The following GNE variants were observed in gnomAD, a reference collection of about 807,000 sequenced individuals.
GNE encodes the protein bifunctional UDP-N-acetylglucosamine 2-epimerase/N-acetylmannosamine kinase.
A neutral mutation model predicts 61.8 loss-of-function variants in GNE; 41 were observed. That is an observed-to-expected ratio of 0.66 (90% confidence interval 0.52 to 0.86). GNE has a LOEUF of 0.86. GNE is among the 40% of genes least tolerant of loss of function. The pLI is 0.00. For synonymous variants in GNE, 264 were observed against 326.4 expected, an observed-to-expected ratio of 0.81 and a Z score of 2.06; for missense variants, 608 against 909.1, an observed-to-expected ratio of 0.67 and a Z score of 4.26.
intron 3 of GNE, among the ~76,000 whole-genome samples, chr9:36,241,119 C>CTT (rs36007906): frequency 9.1e-5 from 13 of 143,512 alleles, no homozygotes; most frequent in Middle Eastern, 3.6e-3. Context: ...GTTTCATTTA[C>CTT]TTTTTTTTTT....
chr9:36,231,629 C>G (rs1471413061), intron 5 of GNE, among the ~76,000 whole-genome samples: 1 of 152,148 alleles, frequency 6.6e-6, no homozygotes, highest in Non-Finnish European at 1.5e-5. Flanking sequence ...CAGAGACTTG[C>G]AAGCAATAGC....
intron 1 of GNE, among the ~76,000 whole-genome samples, chr9:36,256,078 C>T (rs570368041): frequency 6.6e-6 from 1 of 152,050 alleles, no homozygotes; most frequent in South Asian, 2.1e-4. Flanking sequence ...GCATGTGACA[C>T]CATGCCCAGC....
In GNE at chr9:36,246,189, A is replaced by G; in HGVS notation, c.458T>C (p.Leu153Pro). The G allele has an allele frequency of 6.2e-7, 1 of 1,614,240 alleles. No individual in the cohort carries two copies. Among genetic ancestry groups the G allele is most frequent in the East Asian group, 2.2e-5 (1 of 44,890 alleles). Reference protein sequence around the residue: ...DDSIRHAITKLAHYHVCCTRS... With the variant: ...DDSIRHAITKPAHYHVCCTRS... ...GGTGCAGCACACATGATAATGAGCC[A>G]GTTTTGTTATGGCATGTCTGATAGA... The change falls in exon 3 of 12, where the codon CTG becomes CCG. Residue 153 changes from leucine (L) to proline (P), a missense_variant. By Grantham distance (98) the Leu-to-Pro change is moderately conservative. Coordinates refer to ENST00000642385, the MANE Select transcript of GNE (RefSeq NM_005476.7).
Position 36,216,473 on chromosome 9 carries a change from C to G in GNE, c.*892G>C. The stretch of plus-strand genomic sequence containing the variant: ...GCCTCAGCCTCCCGAGTAGCTGGGA[C>G]TACAGGCACATGCCACCACGCCCGG... On this transcript the variant is annotated 3_prime_UTR_variant, in exon 12 of 12. Transcript: ENST00000642385. 3.8e-6 allele frequency: 1 copy of G among 265,106 alleles called. No individual in the cohort carries two copies. Among genetic ancestry groups the G allele is most frequent in the East Asian group, 1.0e-4 (1 of 9,610 alleles). 16.4% of individuals were successfully genotyped at this position (265,106 alleles called of 1,614,324 possible).
At chr9:36,231,453 A>G (rs949983602) in intron 5 of GNE, among the ~76,000 whole-genome samples, 1 of 152,244 alleles carries the variant, frequency 6.6e-6, no homozygotes, top group African/African-American at 2.4e-5. Flanking sequence ...AGACAAAAAC[A>G]AAACAAACAA....
chr9:36,217,235 A>C lies in GNE; in HGVS notation c.*130T>G, dbSNP rs1587270128. The C allele has an allele frequency of 5.5e-6, 4 of 723,544 alleles. No homozygotes were observed. In the East Asian group the frequency reaches 1.1e-4, roughly 19 times the overall value. The allele number at this position is 723,544 out of a possible 1,614,324, so 44.8% of individuals were successfully genotyped here. A position where few individuals can be genotyped will look rare whatever the true frequency, so the allele number is the denominator to read the frequency against. ...TCTGGAAGAGGAGACCAAAAGTGAA[A>C]ACATTTCTCTGCCAAAGTCACCTGC... On this transcript the variant is annotated 3_prime_UTR_variant, in exon 12 of 12. Coordinates refer to ENST00000642385, the MANE Select transcript of GNE (RefSeq NM_005476.7).
At chr9:36,272,620 C>CAAA (rs58934783) in intron 1 of GNE, among the ~76,000 whole-genome samples, 76 of 74,094 alleles carry the variant, frequency 1.0e-3, no homozygotes, top group East Asian at 3.0e-3. Context: ...GACTCCGCCT[C>CAAA]AAAAAAAAAA....
At position 36,218,172 on chromosome 9, in the gene GNE, C is replaced by G. The variant is rs1273126316; in HGVS notation, c.1933+11G>C. 3.2e-6 allele frequency: 5 copies of G among 1,585,448 alleles called. No homozygotes were observed. The Admixed American group carries it at 8.3e-5, about 26-fold the overall frequency. ...CCCCTGCAGCACAGCCACCTGCAGC[C>G]ACATGCTCACCTGTTCTTAGGATGC... On this transcript the variant is annotated intron_variant, in intron 11 of 11. Transcript: ENST00000642385. The surrounding 1 kb of genome is among the most constrained non-coding windows in gnomAD (Gnocchi z 4.1).
intron 3 of GNE, among the ~76,000 whole-genome samples, chr9:36,237,997 CT>C (rs555861399): frequency 2.4e-3 from 363 of 151,980 alleles, no homozygotes; most frequent in African/African-American, 8.2e-3. Flanking sequence ...TAATTCATTC[CT>C]TTTTATGGCT....
In GNE at chr9:36,229,021, C is replaced by T; in HGVS notation, c.1070G>A (p.Cys357Tyr). ...LHLQFGKQYP[C>Y]SKIYGDGNAV... is the part of the protein sequence containing the mutation. ...TCAACAAAGAATGTTTTATACTCAC[C>T]AAGGGTACTGTTTACCAAACTGAAG... The change falls in exon 6 of 12, where the codon TGT (cysteine) becomes TAT (tyrosine). Residue 357 changes from cysteine to tyrosine, a missense_variant and splice_region_variant. By Grantham distance (194) the Cys-to-Tyr change is radical. Coordinates refer to ENST00000642385, the MANE Select transcript of GNE (RefSeq NM_005476.7). 6.4e-7 allele frequency: 1 copy of T among 1,559,184 alleles called. No individual in the cohort carries two copies. The highest frequency in any genetic ancestry group is 8.8e-7 in the Non-Finnish European group (1 of 1,130,142).
chr9:36,233,087 C>T (rs980417056), intron 5 of GNE, among the ~76,000 whole-genome samples: 1 of 152,142 alleles, frequency 6.6e-6, no homozygotes, highest in Non-Finnish European at 1.5e-5. Context: ...GTTCTTTTTC[C>T]TTTAATGATA....
At position 36,246,222 on chromosome 9, in the gene GNE, A is replaced by G. The variant is rs1829868500; in HGVS notation, c.425T>C (p.Ile142Thr). Residue 142 changes from isoleucine to threonine, a missense_variant, in exon 3 of 12, where the codon ATT becomes ACT. Ile to Thr is a moderately conservative substitution (Grantham distance 89). Coordinates refer to ENST00000642385, the MANE Select transcript of GNE (RefSeq NM_005476.7). ...HIEGGEVSGT[I>T]DDSIRHAITK... ...TATGGCATGTCTGATAGAGTCATCA[A>G]TGGTCCCACTGACTTCCCCACCTTC... 1.2e-6 allele frequency: 2 copies of G among 1,614,198 alleles called. No individual in the cohort carries two copies. The highest frequency in any genetic ancestry group is 1.7e-6 in the Non-Finnish European group (2 of 1,180,014).
At chr9:36,217,650 A>G (rs1414313827) in intron 11 of GNE, 50 bp from the exon 12 acceptor site, 1 of 1,196,398 alleles carries the variant, frequency 8.4e-7, no homozygotes, top group South Asian at 1.3e-5. Context: ...GCCAAAATCA[A>G]AATACCAAAG....
chr9:36,256,436 G>T (rs1008554353), intron 1 of GNE, among the ~76,000 whole-genome samples: 10 of 151,052 alleles, frequency 6.6e-5, no homozygotes, highest in Admixed American at 6.6e-5. Flanking sequence ...GTAGAGATGA[G>T]GTTTCATCAT....
intron 6 of GNE, among the ~76,000 whole-genome samples, chr9:36,228,039 A>C (rs1456122149): frequency 6.6e-6 from 1 of 151,178 alleles, no homozygotes; most frequent in East Asian, 1.9e-4. Context: ...TCTCAAAAAA[A>C]AAAAAAAAAA....
At chr9:36,264,204 C>T (rs1371303029) in intron 1 of GNE, among the ~76,000 whole-genome samples, 1 of 152,064 alleles carries the variant, frequency 6.6e-6, no homozygotes, top group African/African-American at 2.4e-5. Flanking sequence ...GCTATCTTGG[C>T]TCACTGCAAC....
intron 4 of GNE, among the ~76,000 whole-genome samples, chr9:36,235,094 A>T (rs1284711348): frequency 6.6e-6 from 1 of 152,208 alleles, no homozygotes; most frequent in African/African-American, 2.4e-5. Context: ...CAGCATCCCC[A>T]ATCTGAACAT....
intron 5 of GNE, among the ~76,000 whole-genome samples, chr9:36,232,529 C>T (rs1371771190): frequency 1.3e-5 from 2 of 152,190 alleles, no homozygotes; most frequent in Non-Finnish European, 2.9e-5. Context: ...TCTACAGCCA[C>T]AATAGCGCTT....
chr9:36,232,343 CT>C (rs71707908), intron 5 of GNE, among the ~76,000 whole-genome samples: 1,774 of 110,786 alleles, frequency 0.016, 47 homozygotes, highest in African/African-American at 0.065. Context: ...CCCGCCCCCC[CT>C]CCCGACATTC....
Sources: gnomAD v4.1 joint callset for allele counts (sites outside exome capture counted in the v4.1 genomes callset) on GRCh38, gnomAD v4.1.1 for gene constraint, Gnocchi (gnomAD v3.1) non-coding constraint, MANE v1.5 for transcripts, NCBI Gene and HGNC (gene_info 2026-07-23, HGNC 2026-07-21) for gene names.